SLC26A7: variants seen among roughly 807,000 people sequenced by gnomAD.
SLC26A7 encodes anion exchange transporter.
A neutral mutation model predicts 82.5 loss-of-function variants in SLC26A7; 59 were observed. That is an observed-to-expected ratio of 0.72 (90% CI 0.58 to 0.89). The LOEUF (loss-of-function observed/expected upper bound fraction) is 0.89, where lower values mean the gene tolerates loss of function less well. Among genes scored for constraint, SLC26A7 ranks in the 40% least tolerant of loss-of-function variants. The pLI is 0.00. For synonymous variants in SLC26A7, 271 were observed against 274.3 expected, an observed-to-expected ratio of 0.99 and a Z score of 0.12; for missense variants, 820 against 793.0, an observed-to-expected ratio of 1.03 and a Z score of -0.41.
chr8:91,232,252 A>C (rs1295138536), intron 2 of SLC26A7, among the ~76,000 whole-genome samples: 2 of 152,194 alleles, frequency 1.3e-5, no homozygotes, highest in Non-Finnish European at 2.9e-5. Flanking sequence ...TTTCTAACCA[A>C]AATATGCTAT....
chr8:91,348,165 T>C, intron 9 of SLC26A7: 1 of 206,760 alleles, frequency 4.8e-6, no homozygotes, highest in Non-Finnish European at 8.5e-6. Context: ...TCCTTTATTC[T>C]TTTGAAATTT....
At chr8:91,286,419 G>C (rs903843472) in intron 2 of SLC26A7, among the ~76,000 whole-genome samples, 6 of 152,114 alleles carry the variant, frequency 3.9e-5, no homozygotes, top group African/African-American at 1.4e-4. Flanking sequence ...GGCTGAATCA[G>C]CCTTACATTA....
intron 2 of SLC26A7, among the ~76,000 whole-genome samples, chr8:91,270,191 A>G (rs549203294): frequency 2.0e-5 from 3 of 152,174 alleles, no homozygotes; most frequent in Non-Finnish European, 4.4e-5. Flanking sequence ...ATTTGAGAAG[A>G]TAACCACTTC....
intron 15 of SLC26A7, among the ~76,000 whole-genome samples, chr8:91,386,687 C>T (rs1031643589): frequency 6.6e-6 from 1 of 152,028 alleles, no homozygotes; most frequent in African/African-American, 2.4e-5. Flanking sequence ...GATATAAGGT[C>T]GGATGGTGGA....
At chr8:91,311,421 A>T (rs975747736) in intron 4 of SLC26A7, among the ~76,000 whole-genome samples, 1 of 152,090 alleles carries the variant, frequency 6.6e-6, no homozygotes, top group Non-Finnish European at 1.5e-5. Context: ...ATGATTAGTT[A>T]GATATATATT....
At position 91,354,219 on chromosome 8, in the gene SLC26A7, T is replaced by C. The variant is rs147373014; in HGVS notation, c.1314+1223T>C. ...GTTAAGTTATTTCTAAGGAACTCAT[T>C]GATCATATAGGAGGCAGCATGTTAC... is the stretch of plus-strand genomic sequence containing the variant. On this transcript the variant is annotated intron_variant, in intron 11 of 18. Transcript: ENST00000276609. 2.1e-4 allele frequency among the ~76,000 whole-genome samples: 32 copies of C among 152,240 alleles called. No individual in the cohort carries two copies. In the East Asian group the frequency reaches 3.9e-3, roughly 18 times the overall value.
intron 17 of SLC26A7, 25 bp from the exon 18 acceptor site, chr8:91,393,911 T>G: frequency 6.2e-7 from 1 of 1,613,072 alleles, no homozygotes. Flanking sequence ...ACATGTATTC[T>G]TATATCACTT....
chr8:91,269,728 T>C (rs905708212), intron 2 of SLC26A7, among the ~76,000 whole-genome samples: 10 of 152,098 alleles, frequency 6.6e-5, no homozygotes, highest in Non-Finnish European at 1.5e-4. Context: ...CCTTTTTCTC[T>C]CTTTTTTAAG....
chr8:91,273,255 AC>A, intron 2 of SLC26A7, among the ~76,000 whole-genome samples: 1 of 152,236 alleles, frequency 6.6e-6, no homozygotes, highest in Non-Finnish European at 1.5e-5. Context: ...ATAAGTGCCT[AC>A]AGGACCTCTT....
intron 4 of SLC26A7, among the ~76,000 whole-genome samples, chr8:91,298,016 C>A (rs879530219): frequency 2.0e-5 from 3 of 152,118 alleles, no homozygotes; most frequent in Admixed American, 6.6e-5. Context: ...GAACAGAGAA[C>A]CCTCCTATCG....
Position 91,396,932 on chromosome 8 carries a change from G to A in SLC26A7, c.*1835G>A, listed in dbSNP as rs1808588079. The A allele has an allele frequency of 6.6e-6, 1 of 152,028 alleles. No homozygotes were observed. Among genetic ancestry groups the A allele is most frequent in the African/African-American group, 2.4e-5 (1 of 41,448 alleles). The allele number at this position is 152,028 out of a possible 1,614,324, so 9.4% of individuals were successfully genotyped here. On this transcript the variant is annotated 3_prime_UTR_variant, in exon 19 of 19. Coordinates refer to ENST00000276609, the MANE Select transcript of SLC26A7 (RefSeq NM_052832.4). ...TGTGTATAAATTGATATTTTGCTAT[G>A]CAACTCCTGTAATTGAATTTGTATA...
intron 2 of SLC26A7, among the ~76,000 whole-genome samples, chr8:91,237,392 C>T (rs1383951318): frequency 6.6e-6 from 1 of 152,176 alleles, no homozygotes; most frequent in Non-Finnish European, 1.5e-5. Context: ...TCTGGCAATG[C>T]TTAGCTATTA....
upstream of SLC26A7, among the ~76,000 whole-genome samples, chr8:91,245,351 G>T (rs1810530773): frequency 2.0e-5 from 3 of 152,266 alleles, no homozygotes; most frequent in African/African-American, 4.8e-5. Flanking sequence ...TAAAGCAGAG[G>T]TTGGATTCAG....
At chr8:91,258,451 C>A (rs1810867786) in intron 2 of SLC26A7, among the ~76,000 whole-genome samples, 1 of 152,002 alleles carries the variant, frequency 6.6e-6, no homozygotes, top group Non-Finnish European at 1.5e-5. Flanking sequence ...GATCCTTCTT[C>A]CCCTGTCCCC....
At chr8:91,389,154 C>T (rs1196187085) in intron 15 of SLC26A7, among the ~76,000 whole-genome samples, 184 bp from the exon 16 acceptor site, 1 of 152,002 alleles carries the variant, frequency 6.6e-6, no homozygotes, top group East Asian at 1.9e-4. Context: ...AAATTGCATT[C>T]CAGTAATACA....
chr8:91,279,131 A>ATATATATATATATATG (rs1811490362), intron 2 of SLC26A7, among the ~76,000 whole-genome samples: 1 of 31,004 alleles, frequency 3.2e-5, no homozygotes, highest in African/African-American at 9.4e-5. Flanking sequence ...GTGTGTATAT[A>ATATATATATATATATG]TATATATATA....
At chr8:91,230,708 G>A (rs1810299368) in intron 2 of SLC26A7, among the ~76,000 whole-genome samples, 1 of 152,224 alleles carries the variant, frequency 6.6e-6, no homozygotes, top group African/African-American at 2.4e-5. Context: ...TATGTGTTCA[G>A]TCAATGTTTG....
intron 2 of SLC26A7, among the ~76,000 whole-genome samples, chr8:91,240,149 G>A (rs114586666): frequency 1.2e-3 from 189 of 152,242 alleles, no homozygotes; most frequent in African/African-American, 4.2e-3. Flanking sequence ...GCTTGCCAAT[G>A]TTCTGGTTGG....
upstream of SLC26A7, among the ~76,000 whole-genome samples, chr8:91,246,986 C>T (rs1293689270): frequency 6.6e-6 from 1 of 152,180 alleles, no homozygotes; most frequent in Non-Finnish European, 1.5e-5. Flanking sequence ...TTCTGTAGCA[C>T]TTCACACAGA....
Sources: gnomAD v4.1 joint callset for allele counts (sites outside exome capture counted in the v4.1 genomes callset) on GRCh38, gnomAD v4.1.1 for gene constraint, MANE v1.5 for transcripts, NCBI Gene and HGNC (gene_info 2026-07-23, HGNC 2026-07-21) for gene names.